Variants in PCDH11X observed in about 807,000 individuals in gnomAD.
PCDH11X encodes the protein protocadherin-11 X-linked.
In PCDH11X, 18 loss-of-function variants were observed where a neutral mutation model predicts 53.3. That is an observed-to-expected ratio of 0.34 (90% confidence interval 0.23 to 0.50). The LOEUF (loss-of-function observed/expected upper bound fraction) is 0.50. Among genes scored for constraint, PCDH11X ranks in the 20% least tolerant of loss-of-function variants. The pLI is 0.98. For synonymous variants in PCDH11X, 279 were observed against 393.3 expected (o/e 0.71, Z 3.44); for missense variants, 570 against 1,032.4 (o/e 0.55, Z 6.14).
chrX:92,603,436 A>T (rs1926449003), intron 10 of PCDH11X, among the ~76,000 whole-genome samples: 1 of 106,404 alleles, frequency 9.4e-6, no homozygotes, highest in Non-Finnish European at 1.9e-5. Flanking sequence ...AATGTTATTA[A>T]ATTTCTCAAT....
At chrX:91,802,459 C>T (rs1021279008) in intron 1 of PCDH11X, among the ~76,000 whole-genome samples, 1 of 111,611 alleles carries the variant, frequency 9.0e-6, no homozygotes, top group African/African-American at 3.3e-5. Context: ...CATATTTAAA[C>T]ATCCTACTCC....
chrX:92,273,491 C>G (rs775311355), intron 8 of PCDH11X, among the ~76,000 whole-genome samples: 1 of 111,146 alleles, frequency 9.0e-6, no homozygotes, highest in South Asian at 3.8e-4. Context: ...GATGTGATGG[C>G]TTGGCTTGGG....
chrX:92,184,558 T>C (rs149974297), intron 6 of PCDH11X, among the ~76,000 whole-genome samples: 1,743 of 110,899 alleles, frequency 0.016, 31 homozygotes, highest in African/African-American at 0.054. Flanking sequence ...AAGCTGGAGG[T>C]ATTAGATGAC....
intron 6 of PCDH11X, among the ~76,000 whole-genome samples, chrX:91,899,083 T>TTAA: frequency 9.0e-6 from 1 of 111,228 alleles, no homozygotes; most frequent in Admixed American, 9.7e-5. Flanking sequence ...TACGGGGAGT[T>TTAA]TAATAAGGAG....
chrX:92,100,595 T>G (rs1272828609), intron 6 of PCDH11X, among the ~76,000 whole-genome samples: 1 of 111,238 alleles, frequency 9.0e-6, no homozygotes, highest in Non-Finnish European at 1.9e-5. Context: ...GCATATTCAC[T>G]TCTTTTGTGA....
intron 9 of PCDH11X, among the ~76,000 whole-genome samples, chrX:92,449,936 T>C (rs1351826052): frequency 4.5e-5 from 5 of 111,614 alleles, no homozygotes; most frequent in Non-Finnish European, 9.4e-5. Context: ...TAATGTATCA[T>C]AGTGTTTCTC....
At chrX:92,236,906 T>A (rs1193367924) in intron 7 of PCDH11X, among the ~76,000 whole-genome samples, 6 of 111,894 alleles carry the variant, frequency 5.4e-5, no homozygotes, top group Non-Finnish European at 1.1e-4. Flanking sequence ...ACTGAGACTA[T>A]CAATGAGGGA....
At chrX:92,008,942 A>T (rs927627448) in intron 6 of PCDH11X, among the ~76,000 whole-genome samples, 2 of 111,731 alleles carry the variant, frequency 1.8e-5, no homozygotes, top group African/African-American at 6.5e-5. Context: ...TTTATAGGTA[A>T]CCTTTGATGC....
Position 91,877,855 on chromosome X carries a change from A to G in PCDH11X, c.1615A>G (p.Thr539Ala), listed in dbSNP as rs1225501468. 1.7e-6 allele frequency: 2 copies of G among 1,211,778 alleles called. No individual in the cohort carries two copies. The highest frequency in any genetic ancestry group is 2.2e-6 in the Non-Finnish European group (2 of 895,453). The part of the protein sequence containing the change: ...DREKEDKYLF[T>A]ILAKDNGVPP... ...AGAAAAAGAGGATAAATATTTATTCACAATTCTGGCAAAAGATAACGGGGT... is the reference window on the plus strand; with the variant it reads ...AGAAAAAGAGGATAAATATTTATTCGCAATTCTGGCAAAAGATAACGGGGT... The change falls in exon 6 of 11, where the codon ACA becomes GCA. Residue 539 changes from threonine to alanine, a missense_variant. Thr to Ala is a moderately conservative substitution (Grantham distance 58, BLOSUM62 0). This residue lies in a region of PCDH11X where 226 missense variants were observed against 457.5 expected (regional missense o/e 0.49). Transcript: ENST00000682573.
intron 8 of PCDH11X, among the ~76,000 whole-genome samples, chrX:92,334,414 G>A (rs151113226): frequency 4.4e-3 from 492 of 111,688 alleles, no homozygotes; most frequent in African/African-American, 0.014. Flanking sequence ...AGTGTTGCAA[G>A]TATCTCCTTT....
At chrX:92,551,996 T>C (rs1404769048) in intron 10 of PCDH11X, among the ~76,000 whole-genome samples, 2 of 98,411 alleles carry the variant, frequency 2.0e-5, no homozygotes, top group Non-Finnish European at 4.2e-5. Flanking sequence ...CTGGTTTTTT[T>C]TTTTTTTTTT....
intron 8 of PCDH11X, among the ~76,000 whole-genome samples, chrX:92,353,367 C>T (rs878871236): frequency 8.9e-6 from 1 of 111,889 alleles, no homozygotes; most frequent in African/African-American, 3.2e-5. Context: ...TTACTGCAAT[C>T]GCAGGTCAAC....
At chrX:91,780,927 C>T (rs1355407509) in intron 1 of PCDH11X, among the ~76,000 whole-genome samples, 1 of 112,145 alleles carries the variant, frequency 8.9e-6, no homozygotes, top group Non-Finnish European at 1.9e-5. Context: ...TAGAGCTTAA[C>T]CGAAGATGGG....
intron 10 of PCDH11X, among the ~76,000 whole-genome samples, chrX:92,597,377 C>G (rs1254389942): frequency 9.1e-6 from 1 of 110,273 alleles, no homozygotes; most frequent in Non-Finnish European, 1.9e-5. Context: ...ATTTCTATAT[C>G]CCAACAGTGA....
intron 9 of PCDH11X, among the ~76,000 whole-genome samples, chrX:92,467,260 T>G (rs2148661279): frequency 9.0e-6 from 1 of 111,704 alleles, no homozygotes; most frequent in South Asian, 3.7e-4. Context: ...ACAATGCTCT[T>G]TTATTGATCC....
chrX:91,792,308 A>C (rs1344400549), intron 1 of PCDH11X, among the ~76,000 whole-genome samples: 1 of 112,033 alleles, frequency 8.9e-6, no homozygotes, highest in Non-Finnish European at 1.9e-5. Context: ...AAATATTAGA[A>C]TGGTTCAAAA....
intron 6 of PCDH11X, among the ~76,000 whole-genome samples, chrX:92,015,341 TA>T (rs2062772836): frequency 8.9e-6 from 1 of 111,828 alleles, no homozygotes; most frequent in South Asian, 3.7e-4. Context: ...GACAATTTCT[TA>T]AAAGAAGATC....
At chrX:92,466,773 C>T (rs1375363237) in intron 9 of PCDH11X, among the ~76,000 whole-genome samples, 1 of 109,681 alleles carries the variant, frequency 9.1e-6, no homozygotes, top group Admixed American at 9.8e-5. Flanking sequence ...GAAATAAGTC[C>T]AGACCCATTA....
intron 10 of PCDH11X, among the ~76,000 whole-genome samples, chrX:92,536,218 C>G (rs1391920164): frequency 1.8e-5 from 2 of 111,120 alleles, no homozygotes; most frequent in Non-Finnish European, 3.8e-5. Flanking sequence ...TTATCAAATT[C>G]TCGTAGTATG....
Sources: allele counts gnomAD v4.1 joint callset (sites outside exome capture counted in the v4.1 genomes callset), GRCh38; gene constraint gnomAD v4.1.1; regional missense constraint gnomAD v4.1.1; transcripts MANE v1.5; gene names NCBI Gene and HGNC (gene_info 2026-07-23, HGNC 2026-07-21).